The following RIMS2 variants were observed in gnomAD, a reference collection of about 807,000 sequenced individuals.
The protein encoded by RIMS2 is regulating synaptic membrane exocytosis 2.
In RIMS2, 59 loss-of-function variants were observed where a neutral mutation model predicts 174.4. The observed-to-expected ratio is 0.34, with a 90% CI of 0.27 to 0.42. RIMS2 has a LOEUF of 0.42. RIMS2 is among the 10% of genes least tolerant of loss of function. The pLI, the probability that RIMS2 is intolerant of heterozygous loss-of-function variation, is 1.00. For synonymous variants in RIMS2, 606 were observed against 572.5 expected (o/e 1.06, Z -0.84); for missense variants, 1,620 against 1,666.3 (o/e 0.97, Z 0.48).
intron 1 of RIMS2, among the ~76,000 whole-genome samples, chr8:103,650,218 T>C (rs2096424627): frequency 6.6e-6 from 1 of 152,180 alleles, no homozygotes; most frequent in African/African-American, 2.4e-5. Context: ...CAGACCCTAG[T>C]TGCCTTCGTT....
At chr8:103,688,880 C>T (rs1163904380) in intron 1 of RIMS2, among the ~76,000 whole-genome samples, 4 of 151,974 alleles carry the variant, frequency 2.6e-5, no homozygotes, top group South Asian at 2.1e-4. Flanking sequence ...TTGTTTCCCT[C>T]CTTCTACTAA....
At chr8:103,886,116 A>G (rs2099199292) in exon 4 of RIMS2, 2 of 1,612,968 alleles carry the variant, frequency 1.2e-6, no homozygotes, top group African/African-American at 2.7e-5. Context: ...AAAGGCGGTA[A>G]AATGCGCCAG....
chr8:104,051,133 G>A (rs1026709004), intron 19 of RIMS2, among the ~76,000 whole-genome samples: 4 of 152,020 alleles, frequency 2.6e-5, no homozygotes, highest in Non-Finnish European at 5.9e-5. Flanking sequence ...CTGCTACTTA[G>A]GAGGCTGAAG....
chr8:103,910,083 T>A (rs1242532235), intron 4 of RIMS2: 1 of 1,096,424 alleles, frequency 9.1e-7, no homozygotes, highest in Non-Finnish European at 1.4e-6. Context: ...TCTCTGTCTG[T>A]CCCTTTTTTC....
At chr8:104,127,734 A>G (rs1333864152) in intron 19 of RIMS2, among the ~76,000 whole-genome samples, 5 of 152,134 alleles carry the variant, frequency 3.3e-5, no homozygotes, top group Non-Finnish European at 7.4e-5. Context: ...AATGGTTGCA[A>G]AAAAAAACAA....
intron 1 of RIMS2, among the ~76,000 whole-genome samples, chr8:103,590,480 C>T (rs1326063359): frequency 1.3e-5 from 2 of 151,224 alleles, no homozygotes; most frequent in African/African-American, 4.8e-5. Context: ...TATTGCACAT[C>T]CTTACATGTC....
chr8:103,857,327 A>C (rs2099033404), intron 3 of RIMS2, among the ~76,000 whole-genome samples: 1 of 152,208 alleles, frequency 6.6e-6, no homozygotes, highest in Admixed American at 6.5e-5. Flanking sequence ...CAGTTTATTG[A>C]AATTCTTCAA....
chr8:103,800,843 A>G (rs2098602638), intron 3 of RIMS2, among the ~76,000 whole-genome samples: 1 of 152,144 alleles, frequency 6.6e-6, no homozygotes, highest in Non-Finnish European at 1.5e-5. Flanking sequence ...TCCTAAGATA[A>G]GTTAGGAAAT....
intron 2 of RIMS2, among the ~76,000 whole-genome samples, chr8:103,762,055 T>C (rs1002104305): frequency 1.2e-4 from 18 of 151,246 alleles, no homozygotes; most frequent in Non-Finnish European, 2.5e-4. Context: ...TAGTATTCAC[T>C]GCAGCTGTTA....
At chr8:103,856,081 T>C (rs921997034) in intron 3 of RIMS2, among the ~76,000 whole-genome samples, 1 of 152,168 alleles carries the variant, frequency 6.6e-6, no homozygotes. Context: ...TTAGAATACT[T>C]ATTTCTTTTT....
chr8:103,773,728 C>T (rs2098279053), intron 3 of RIMS2, among the ~76,000 whole-genome samples: 1 of 151,224 alleles, frequency 6.6e-6, no homozygotes, highest in South Asian at 2.1e-4. Flanking sequence ...AAAACTCCAT[C>T]TAAAAAAACA....
At chr8:103,921,694 A>G in exon 10 of RIMS2, 1 of 1,520,182 alleles carries the variant, frequency 6.6e-7, no homozygotes, top group Non-Finnish European at 9.1e-7. Flanking sequence ...TTGAATCTCA[A>G]AAAATGGATC....
intron 19 of RIMS2, among the ~76,000 whole-genome samples, chr8:104,156,144 A>T (rs963024214): frequency 6.6e-6 from 1 of 152,212 alleles, no homozygotes. Context: ...AACTTAATAC[A>T]AAAGTTCATT....
chr8:103,752,673 G>A (rs1347966946), intron 2 of RIMS2, among the ~76,000 whole-genome samples: 1 of 152,054 alleles, frequency 6.6e-6, no homozygotes, highest in Non-Finnish European at 1.5e-5. Flanking sequence ...GGATTCCTAG[G>A]TATTTTATTC....
At chr8:103,865,035 A>C (rs528821489) in intron 3 of RIMS2, among the ~76,000 whole-genome samples, 117 of 152,190 alleles carry the variant, frequency 7.7e-4, no homozygotes, top group African/African-American at 2.7e-3. Flanking sequence ...CGCTTCCCAA[A>C]CTATTTCCCT....
chr8:103,641,237 C>T (rs905466708), intron 1 of RIMS2, among the ~76,000 whole-genome samples: 26 of 151,954 alleles, frequency 1.7e-4, no homozygotes, highest in Admixed American at 1.0e-3. Flanking sequence ...TTTATTTATT[C>T]AATTTCTTAT....
chr8:103,999,917 G>A (rs1365420027), intron 17 of RIMS2, among the ~76,000 whole-genome samples: 1 of 151,624 alleles, frequency 6.6e-6, no homozygotes, highest in Non-Finnish European at 1.5e-5. Flanking sequence ...TTTGTGCTGA[G>A]AAAACAGAGA....
intron 19 of RIMS2, among the ~76,000 whole-genome samples, chr8:104,104,962 T>C (rs2131334812): frequency 6.6e-6 from 1 of 152,258 alleles, no homozygotes; most frequent in Admixed American, 6.5e-5. Flanking sequence ...AAATATTATA[T>C]GACACAGCAT....
At chr8:104,066,282 A>T (rs955999695) in intron 19 of RIMS2, among the ~76,000 whole-genome samples, 10 of 152,196 alleles carry the variant, frequency 6.6e-5, no homozygotes, top group African/African-American at 2.4e-4. Context: ...ATCAGAAAGA[A>T]TTTTAATATA....
Sources: gnomAD v4.1 joint callset for allele counts (sites outside exome capture counted in the v4.1 genomes callset) on GRCh38, gnomAD v4.1.1 for gene constraint, MANE v1.5 for transcripts, NCBI Gene and HGNC (gene_info 2026-07-23, HGNC 2026-07-21) for gene names.